FXYD6: variants seen among roughly 807,000 people sequenced by gnomAD.
FXYD6 encodes the protein FXYD domain-containing ion transport regulator 6.
FXYD6 carries 7 observed loss-of-function variants against 16.7 expected under a neutral mutation model. The ratio of observed to expected loss-of-function variants is 0.42; its 90% confidence interval spans 0.24 to 0.79. The LOEUF (loss-of-function observed/expected upper bound fraction) is 0.79, where lower values mean the gene tolerates loss of function less well. Ranked by LOEUF, FXYD6 falls within the 30% of genes least tolerant of loss-of-function variation. The probability of loss-of-function intolerance (pLI) is 0.28; values close to 1 mark genes in which losing one functional copy is unlikely to be tolerated. For missense variants in FXYD6, 111 were observed against 116.2 expected (o/e 0.95, Z 0.21); for synonymous variants, 49 against 43.0 (o/e 1.14, Z -0.54).
chr11:117,842,081 C>A, intron 2 of FXYD6, 53 bp from the exon 3 acceptor site: 1 of 1,613,020 alleles, frequency 6.2e-7, no homozygotes, highest in Non-Finnish European at 8.5e-7. Flanking sequence ...AACTGGTTCC[C>A]AAATATCTAA....
chr11:117,844,588 G>C (rs957671222), intron 1 of FXYD6, among the ~76,000 whole-genome samples: 3 of 151,932 alleles, frequency 2.0e-5, no homozygotes, highest in Non-Finnish European at 4.4e-5. Flanking sequence ...TCCACCTCCC[G>C]GGTTCAAACG....
Position 117,872,514 on chromosome 11 carries a change from A to G in FXYD6, c.-6+4078T>C, listed in dbSNP as rs983701703. The stretch of plus-strand genomic sequence containing the variant: ...CATTTATTAAAAGGATGAACGAGGG[A>G]GTTTGAAACCTTAGCCTCTGGTCTC... On this transcript the variant is annotated intron_variant, in intron 1 of 7. Transcript: ENST00000526014. The surrounding 1 kb of genome is among the most constrained non-coding windows in gnomAD (Gnocchi z 4.9). Among the ~76,000 whole-genome samples the G allele has an allele frequency of 6.6e-6, 1 of 152,164 alleles. No homozygotes were observed. The highest frequency in any genetic ancestry group is 2.4e-5 in the African/African-American group (1 of 41,440).
chr11:117,855,685 A>T (rs1045600658), intron 1 of FXYD6, among the ~76,000 whole-genome samples: 2 of 152,176 alleles, frequency 1.3e-5, no homozygotes, highest in Admixed American at 6.5e-5. Context: ...AGGAAGGAGG[A>T]GTCACTGGGG....
intron 1 of FXYD6, among the ~76,000 whole-genome samples, chr11:117,853,696 T>G (rs1448645064): frequency 2.6e-5 from 4 of 152,166 alleles, no homozygotes; most frequent in Non-Finnish European, 5.9e-5. Context: ...TTCACCATGT[T>G]GGCCAGGCTG....
intron 2 of FXYD6, 74 bp from the exon 3 acceptor site, chr11:117,842,102 C>T (rs930543843): frequency 6.2e-7 from 1 of 1,605,808 alleles, no homozygotes; most frequent in Non-Finnish European, 8.5e-7. Context: ...CCTTGCCTCA[C>T]AGACCTCAGT....
At chr11:117,841,966 G>A (rs370368413) in intron 3 of FXYD6, 24 bp downstream of exon 3, 3 of 1,614,102 alleles carry the variant, frequency 1.9e-6, no homozygotes, top group Non-Finnish European at 2.5e-6. Context: ...CCTGACCCCT[G>A]CACCCAGGGT....
In FXYD6 at chr11:117,872,481, G is replaced by A. The variant is rs1227396244; in HGVS notation, c.-6+4111C>T. On this transcript the variant is annotated intron_variant, in intron 1 of 7. Transcript: ENST00000526014. The surrounding 1 kb of genome is among the most constrained non-coding windows in gnomAD (Gnocchi z 4.9). ...AGCCCACAGGGCCTGCCTGACATAT[G>A]AGGGGAACATTTATTAAAAGGATGA... Among the ~76,000 whole-genome samples, 2 of 152,202 alleles carry A rather than the reference G, an allele frequency of 1.3e-5. No homozygotes were observed. The highest frequency in any genetic ancestry group is 4.8e-5 in the African/African-American group (2 of 41,448).
chr11:117,844,395 C>A (rs1300783570), intron 1 of FXYD6, among the ~76,000 whole-genome samples: 2 of 152,148 alleles, frequency 1.3e-5, no homozygotes, highest in African/African-American at 2.4e-5. Flanking sequence ...TGGAGCTTTA[C>A]AAAGACTGCT....
rs2056231178 is a variant in FXYD6, at chr11:117,837,677, G to A, written c.*622C>T. 1 of 156,324 alleles carries A rather than the reference G, an allele frequency of 6.4e-6. No individual in the cohort carries two copies. The highest frequency in any genetic ancestry group is 1.9e-4 in the South Asian group (1 of 5,178). 9.7% of individuals were successfully genotyped at this position (156,324 alleles called of 1,614,324 possible). ...ACCAGCTCCTTGCTTTGTATCTCCA[G>A]TTGCTAAGAGACCTTCAGACTGGGA... On this transcript the variant is annotated 3_prime_UTR_variant, in exon 8 of 8. Coordinates refer to ENST00000526014, the MANE Select transcript of FXYD6 (RefSeq NM_022003.4). The surrounding 1 kb of genome is among the most constrained non-coding windows in gnomAD (Gnocchi z 4.4).
At chr11:117,839,993 G>C in intron 6 of FXYD6, 163 bp from the exon 7 acceptor site, 3 of 855,784 alleles carry the variant, frequency 3.5e-6, no homozygotes, top group Non-Finnish European at 5.6e-6. Context: ...CCTGCTACTT[G>C]CTGCTTACAG....
chr11:117,854,379 G>C (rs1798639414), intron 1 of FXYD6, among the ~76,000 whole-genome samples: 1 of 152,182 alleles, frequency 6.6e-6, no homozygotes, highest in South Asian at 2.1e-4. Flanking sequence ...ATGGCTCTGG[G>C]CCACCAGGGA....
chr11:117,847,741 C>T (rs1451808917), intron 1 of FXYD6, among the ~76,000 whole-genome samples: 3 of 152,116 alleles, frequency 2.0e-5, no homozygotes, highest in Non-Finnish European at 4.4e-5. Context: ...ATATGTGCCA[C>T]ATTTTCTTAA....
At chr11:117,865,504 A>AG (rs749139081) in intron 1 of FXYD6, among the ~76,000 whole-genome samples, 1 of 152,254 alleles carries the variant, frequency 6.6e-6, no homozygotes, top group Non-Finnish European at 1.5e-5. Context: ...AAAATGTGGT[A>AG]TATACACATA....
intron 1 of FXYD6, among the ~76,000 whole-genome samples, chr11:117,865,993 C>G (rs1465876000): frequency 1.3e-5 from 2 of 152,084 alleles, no homozygotes; most frequent in Non-Finnish European, 2.9e-5. Flanking sequence ...CCAGCTACAA[C>G]ATGGATGAAC....
intron 7 of FXYD6, chr11:117,839,436 G>T: frequency 9.2e-6 from 3 of 327,248 alleles, no homozygotes; most frequent in East Asian, 4.9e-5. Context: ...GAGTCACCAC[G>T]GAAAGCCATT....
chr11:117,841,260 G>A, intron 4 of FXYD6, 76 bp from the exon 5 acceptor site: 1 of 1,604,900 alleles, frequency 6.2e-7, no homozygotes, highest in Admixed American at 1.7e-5. Context: ...TGCAGGTTGT[G>A]GGACTATGTA....
In FXYD6 at chr11:117,839,643, G is replaced by T. The variant is rs529233178; in HGVS notation, c.*21+138C>A. The T allele has an allele frequency of 9.3e-6, 9 of 970,150 alleles. No individual in the cohort carries two copies. The South Asian group carries it at 1.1e-4, about 11-fold the overall frequency. 60.1% of individuals were successfully genotyped at this position (970,150 alleles called of 1,614,324 possible). ...CACAGCCCCTTTCAGACTCCTGAAG[G>T]CTCCTCAGGGCAGGGCCCATAATAA... is the stretch of plus-strand genomic sequence containing the variant. On this transcript the variant is annotated intron_variant, in intron 7 of 7. Coordinates refer to ENST00000526014, the MANE Select transcript of FXYD6 (RefSeq NM_022003.4).
intron 1 of FXYD6, among the ~76,000 whole-genome samples, chr11:117,864,876 C>T (rs1486347068): frequency 2.6e-5 from 4 of 152,080 alleles, no homozygotes; most frequent in Non-Finnish European, 4.4e-5. Flanking sequence ...TGGGTCACCG[C>T]GTCTGGCCGA....
intron 1 of FXYD6, among the ~76,000 whole-genome samples, chr11:117,853,089 C>A (rs977482610): frequency 7.2e-5 from 11 of 152,186 alleles, no homozygotes; most frequent in African/African-American, 9.7e-5. Context: ...TCTGATAATT[C>A]CAAACTCTTA....
Sources: allele counts gnomAD v4.1 joint callset (sites outside exome capture counted in the v4.1 genomes callset), GRCh38; gene constraint gnomAD v4.1.1; non-coding constraint Gnocchi (gnomAD v3.1); transcripts MANE v1.5; gene names NCBI Gene and HGNC (gene_info 2026-07-23, HGNC 2026-07-21).